Variants in STK10 observed in about 807,000 individuals in gnomAD.
STK10 encodes the protein serine/threonine kinase 10, also known as serine/threonine-protein kinase 10.
STK10 carries 78 observed loss-of-function variants against 113.8 expected under a neutral mutation model. The observed-to-expected ratio is 0.69, with a 90% CI of 0.57 to 0.83. The LOEUF (loss-of-function observed/expected upper bound fraction) is 0.83, where lower values mean the gene tolerates loss of function less well. STK10 is among the 40% of genes least tolerant of loss of function. The pLI is 0.00. For synonymous variants in STK10, 465 were observed against 494.7 expected (o/e 0.94, Z 0.80); for missense variants, 1,109 against 1,280.1 (o/e 0.87, Z 2.04).
intron 7 of STK10, among the ~76,000 whole-genome samples, chr5:172,100,554 A>G (rs1768965894): frequency 6.6e-6 from 1 of 152,176 alleles, no homozygotes; most frequent in Admixed American, 6.5e-5. Context: ...TGGGAGCCTG[A>G]GGCAGGTGCA....
In STK10 at chr5:172,062,509, G is replaced by A. The variant is rs565661026; in HGVS notation, c.2083-1241C>T. Among the ~76,000 whole-genome samples the A allele has an allele frequency of 7.4e-5, 11 of 149,500 alleles. No individual in the cohort carries two copies. In the South Asian group the frequency reaches 8.4e-4, roughly 11 times the overall value. ...GATGAAAACAGCCCACGTGTCCGTC[G>A]ATAGATAAATGGATAAATCATGTGT... is the stretch of plus-strand genomic sequence containing the variant. On this transcript the variant is annotated intron_variant, in intron 13 of 18. Coordinates refer to ENST00000176763, the MANE Select transcript of STK10 (RefSeq NM_005990.4).
At chr5:172,145,685 A>G (rs1372385747) in intron 2 of STK10, among the ~76,000 whole-genome samples, 5 of 152,228 alleles carry the variant, frequency 3.3e-5, no homozygotes, top group African/African-American at 1.2e-4. Context: ...CCGGACACTA[A>G]CAGAATGACC....
chr5:172,057,443 T>G lies in STK10; in HGVS notation c.2243A>C (p.Glu748Ala). Reference protein sequence around the residue: ...DREAALWEMEEHQLQERHQLV... With the variant: ...DREAALWEMEAHQLQERHQLV... ...CTGGTGCCTCTCCTGCAGCTGGTGC[T>G]CTTCCATCTCCCACAGGGCTGCTTC... Residue 748 changes from glutamate to alanine, a missense_variant, in exon 15 of 19, where the codon GAG becomes GCG. Physicochemically the swap from Glu to Ala is moderately radical, Grantham distance 107 (BLOSUM62 -1). This residue lies in a region of STK10 where 885 missense variants were observed against 991.1 expected (regional missense o/e 0.89). Coordinates refer to ENST00000176763, the MANE Select transcript of STK10 (RefSeq NM_005990.4). 2 of 1,550,714 alleles carry G rather than the reference T, an allele frequency of 1.3e-6. No homozygotes were observed. Among genetic ancestry groups the G allele is most frequent in the Admixed American group, 2.0e-5 (1 of 51,070 alleles).
At chr5:172,099,289 C>A (rs1436297368) in intron 7 of STK10, among the ~76,000 whole-genome samples, 1 of 152,160 alleles carries the variant, frequency 6.6e-6, no homozygotes, top group African/African-American at 2.4e-5. Flanking sequence ...ATCTGTAATC[C>A]CAGCACTTTG....
intron 16 of STK10, 48 bp from the exon 17 acceptor site, chr5:172,054,742 G>A (rs1767709124): frequency 1.2e-6 from 2 of 1,601,244 alleles, no homozygotes; most frequent in Admixed American, 1.7e-5. Flanking sequence ...GGCCTGGCTG[G>A]TTGGGTAGGG....
chr5:172,185,349 C>G (rs1397365218), intron 1 of STK10, among the ~76,000 whole-genome samples: 1 of 151,974 alleles, frequency 6.6e-6, no homozygotes, highest in African/African-American at 2.4e-5. Flanking sequence ...GCTCACTGCA[C>G]CCTCCACCTC....
At chr5:172,077,089 C>T (rs968243269) in intron 12 of STK10, among the ~76,000 whole-genome samples, 3 of 152,232 alleles carry the variant, frequency 2.0e-5, no homozygotes, top group African/African-American at 7.2e-5. Flanking sequence ...GCACTGCTCT[C>T]CCGCTGAGAT....
chr5:172,166,237 T>G (rs1403588348), intron 1 of STK10, among the ~76,000 whole-genome samples: 1 of 152,222 alleles, frequency 6.6e-6, no homozygotes, highest in Admixed American at 6.5e-5. Context: ...GAGGCCAAGA[T>G]GGCAGAAGCA....
intron 18 of STK10, among the ~76,000 whole-genome samples, chr5:172,047,396 G>A (rs563926463): frequency 6.6e-6 from 1 of 152,244 alleles, no homozygotes; most frequent in African/African-American, 2.4e-5. Context: ...ATAGGCCAAG[G>A]GTATAGAACC....
At position 172,187,879 on chromosome 5, in the gene STK10, G is replaced by A. The variant is rs550577690; in HGVS notation, c.156+8C>T. On this transcript the variant is annotated splice_region_variant and intron_variant, in intron 1 of 18. Coordinates refer to ENST00000176763, the MANE Select transcript of STK10 (RefSeq NM_005990.4). This position sits in a 1 kb window ranked among gnomAD's most constrained non-coding sequence, Gnocchi z 4.6. ...CGCGCGTCCGGCCACCCACCTCAGC[G>A]CCCTCACCTTGTAAACCTTGCCGAA... 1 of 1,612,442 alleles carries A rather than the reference G, an allele frequency of 6.2e-7. No individual in the cohort carries two copies. Among genetic ancestry groups the A allele is most frequent in the African/African-American group, 1.3e-5 (1 of 74,996 alleles).
chr5:172,087,307 C>T (rs1487577126), intron 10 of STK10, among the ~76,000 whole-genome samples: 2 of 152,040 alleles, frequency 1.3e-5, no homozygotes, highest in African/African-American at 4.8e-5. Context: ...CAGAATCTCA[C>T]CCTGTCGCCC....
At chr5:172,166,016 C>T (rs554664242) in intron 1 of STK10, among the ~76,000 whole-genome samples, 95 of 152,336 alleles carry the variant, frequency 6.2e-4, no homozygotes, top group Non-Finnish European at 1.2e-3. Flanking sequence ...TGGTCTCGAA[C>T]TCCCGACCTC....
chr5:172,107,979 A>G (rs1276343812), intron 4 of STK10, 127 bp from the exon 5 acceptor site: 6 of 735,370 alleles, frequency 8.2e-6, no homozygotes, highest in Non-Finnish European at 1.4e-5. Context: ...CAAATTAGAA[A>G]GCATTAAAAA....
intron 7 of STK10, among the ~76,000 whole-genome samples, chr5:172,104,203 C>CA (rs1284197906): frequency 6.6e-6 from 1 of 152,232 alleles, no homozygotes; most frequent in Non-Finnish European, 1.5e-5. Context: ...CCGGAGCCGA[C>CA]ACGGCAGTGA....
intron 9 of STK10, among the ~76,000 whole-genome samples, chr5:172,091,193 C>T (rs757315086): frequency 1.3e-5 from 2 of 152,162 alleles, no homozygotes; most frequent in Non-Finnish European, 2.9e-5. Context: ...ACAGTTATTA[C>T]TGCAGACCAC....
intron 12 of STK10, among the ~76,000 whole-genome samples, chr5:172,078,641 A>T (rs111319370): frequency 0.17 from 25,076 of 145,242 alleles, 3,165 homozygotes; most frequent in African/African-American, 0.25. Flanking sequence ...AAAAAAAAAA[A>T]AAAAAAAAGC....
intron 1 of STK10, among the ~76,000 whole-genome samples, chr5:172,170,140 A>G (rs1262901854): frequency 1.5e-5 from 2 of 135,174 alleles, no homozygotes; most frequent in Non-Finnish European, 3.1e-5. Flanking sequence ...TTTTTTTTTC[A>G]GTATGTATTC....
At chr5:172,176,637 G>T (rs1459015679) in intron 1 of STK10, among the ~76,000 whole-genome samples, 1 of 152,158 alleles carries the variant, frequency 6.6e-6, no homozygotes, top group East Asian at 1.9e-4. Context: ...ATGTTACATG[G>T]GCTGACCTGA....
At chr5:172,116,726 G>A (rs1018832877) in intron 4 of STK10, among the ~76,000 whole-genome samples, 14 of 151,638 alleles carry the variant, frequency 9.2e-5, no homozygotes, top group African/African-American at 3.4e-4. Context: ...AAATTAGCCA[G>A]GTGTGGTGGT....
Sources: gnomAD v4.1 joint callset for allele counts (sites outside exome capture counted in the v4.1 genomes callset) on GRCh38, gnomAD v4.1.1 for gene constraint, gnomAD v4.1.1 regional missense constraint, Gnocchi (gnomAD v3.1) non-coding constraint, MANE v1.5 for transcripts, NCBI Gene and HGNC (gene_info 2026-07-23, HGNC 2026-07-21) for gene names.